BMP6: variants seen among roughly 807,000 people sequenced by gnomAD.
The protein encoded by BMP6 is VG-1-R.
BMP6 carries 17 observed loss-of-function variants against 54.1 expected under a neutral mutation model. The observed-to-expected ratio is 0.31, with a 90% confidence interval of 0.22 to 0.47. BMP6 has a LOEUF of 0.47. Ranked by LOEUF, BMP6 falls within the 20% of genes least tolerant of loss-of-function variation. The pLI is 1.00. For missense variants in BMP6, 720 were observed against 690.4 expected, an observed-to-expected ratio of 1.04 and a Z score of -0.48; for synonymous variants, 328 against 291.2, an observed-to-expected ratio of 1.13 and a Z score of -1.28.
intron 1 of BMP6, among the ~76,000 whole-genome samples, chr6:7,795,517 T>C (rs932740144): frequency 6.6e-6 from 1 of 152,194 alleles, no homozygotes; most frequent in Non-Finnish European, 1.5e-5. Context: ...TACAAAGGGC[T>C]AGTTTGTCAT....
chr6:7,756,884 A>C (rs771683362), intron 1 of BMP6, among the ~76,000 whole-genome samples: 4 of 152,162 alleles, frequency 2.6e-5, no homozygotes, highest in Non-Finnish European at 5.9e-5. Context: ...CCTTGTGTAA[A>C]CTGGTAATTT....
At chr6:7,746,680 G>T (rs1757351503) in intron 1 of BMP6, among the ~76,000 whole-genome samples, 1 of 152,052 alleles carries the variant, frequency 6.6e-6, no homozygotes, top group Non-Finnish European at 1.5e-5. Context: ...GACTTAACCC[G>T]ATCCTCCTGG....
intron 1 of BMP6, among the ~76,000 whole-genome samples, chr6:7,834,414 T>A (rs1758841257): frequency 6.6e-6 from 1 of 151,280 alleles, no homozygotes; most frequent in Non-Finnish European, 1.5e-5. Context: ...TGCAAGACAA[T>A]AATATAGAAA....
At chr6:7,745,315 C>G (rs560149262) in intron 1 of BMP6, among the ~76,000 whole-genome samples, 8 of 152,316 alleles carry the variant, frequency 5.3e-5, no homozygotes, top group African/African-American at 1.9e-4. Context: ...ACTCTGTCAC[C>G]CAGGCTGGAG....
chr6:7,759,700 T>TTTTG (rs1757581810), intron 1 of BMP6, among the ~76,000 whole-genome samples: 1 of 124,452 alleles, frequency 8.0e-6, no homozygotes, highest in African/African-American at 3.3e-5. Context: ...CTTCTTCTTT[T>TTTTG]TTTTTTTTTT....
intron 1 of BMP6, among the ~76,000 whole-genome samples, chr6:7,769,053 T>C (rs1757742564): frequency 6.6e-6 from 1 of 152,166 alleles, no homozygotes; most frequent in South Asian, 2.1e-4. Flanking sequence ...TATACGCTTC[T>C]CCCCAAAACT....
chr6:7,790,128 T>G (rs1758073625), intron 1 of BMP6, among the ~76,000 whole-genome samples: 1 of 152,132 alleles, frequency 6.6e-6, no homozygotes, highest in Admixed American at 6.5e-5. Context: ...GAGCAATACA[T>G]GCCCCCTGCT....
At chr6:7,787,152 A>G (rs1003175874) in intron 1 of BMP6, among the ~76,000 whole-genome samples, 2 of 152,178 alleles carry the variant, frequency 1.3e-5, no homozygotes, top group Non-Finnish European at 2.9e-5. Flanking sequence ...AACAGAAGTA[A>G]AGAGTTTGGG....
intron 2 of BMP6, among the ~76,000 whole-genome samples, chr6:7,851,241 A>G (rs1240817491): frequency 1.3e-5 from 2 of 152,256 alleles, no homozygotes; most frequent in Non-Finnish European, 2.9e-5. Context: ...TGAGGATTTC[A>G]GTTCAAGAAA....
chr6:7,808,974 C>T (rs1018210001), intron 1 of BMP6, among the ~76,000 whole-genome samples: 21 of 150,878 alleles, frequency 1.4e-4, no homozygotes, highest in African/African-American at 3.4e-4. Context: ...CAGAGGCATC[C>T]GCTTCCCGTG....
At chr6:7,813,108 A>AAATAT (rs1554122651) in intron 1 of BMP6, among the ~76,000 whole-genome samples, 8 of 21,500 alleles carry the variant, frequency 3.7e-4, no homozygotes, top group Admixed American at 1.1e-3. Flanking sequence ...AAAAAAAAAA[A>AAATAT]ATATATATAT....
At chr6:7,751,556 G>T (rs889511222) in intron 1 of BMP6, among the ~76,000 whole-genome samples, 1 of 152,008 alleles carries the variant, frequency 6.6e-6, no homozygotes, top group Non-Finnish European at 1.5e-5. Flanking sequence ...TTTCTGCCTC[G>T]GCATTCTCTA....
At chr6:7,825,568 A>G (rs936787657) in intron 1 of BMP6, among the ~76,000 whole-genome samples, 3 of 152,068 alleles carry the variant, frequency 2.0e-5, no homozygotes, top group Non-Finnish European at 4.4e-5. Context: ...TAAAAATACA[A>G]AATTAGCCAG....
chr6:7,777,473 C>T (rs1359405769), intron 1 of BMP6, among the ~76,000 whole-genome samples: 1 of 152,144 alleles, frequency 6.6e-6, no homozygotes, highest in African/African-American at 2.4e-5. Context: ...GGAATGCCCC[C>T]CTCTGGCTCC....
intron 1 of BMP6, among the ~76,000 whole-genome samples, chr6:7,837,448 A>C (rs1369907602): frequency 6.6e-6 from 1 of 152,238 alleles, no homozygotes; most frequent in Non-Finnish European, 1.5e-5. Flanking sequence ...GCAGAGATGA[A>C]ATAATGAGAG....
chr6:7,813,275 A>G (rs1367053843), intron 1 of BMP6, among the ~76,000 whole-genome samples: 1 of 144,446 alleles, frequency 6.9e-6, no homozygotes, highest in Non-Finnish European at 1.5e-5. Flanking sequence ...TTTTTATAAA[A>G]CACCTCCAAT....
At chr6:7,763,201 C>T (rs545610520) in intron 1 of BMP6, among the ~76,000 whole-genome samples, 2 of 152,304 alleles carry the variant, frequency 1.3e-5, no homozygotes, top group African/African-American at 4.8e-5. Flanking sequence ...TTTTCAGCCT[C>T]CACTGTCTGC....
rs1181433660 is a variant in BMP6 at position 7,803,131 on chromosome 6, G to A, written c.665-42009G>A. Among the ~76,000 whole-genome samples, 3 of 152,176 alleles carry A rather than the reference G, an allele frequency of 2.0e-5. No homozygotes were observed. The East Asian group carries it at 5.8e-4, about 29-fold the overall frequency. ...TAGACTCGGGATGGGGTTGGCCAGG[G>A]CAGGTCCCTTCCTCCCAGGGAAGAG... On this transcript the variant is annotated intron_variant, in intron 1 of 6. Transcript: ENST00000283147.
At chr6:7,813,969 G>A (rs1412341041) in intron 1 of BMP6, among the ~76,000 whole-genome samples, 2 of 152,156 alleles carry the variant, frequency 1.3e-5, no homozygotes, top group African/African-American at 2.4e-5. Flanking sequence ...CAGGTTGTTG[G>A]AAGAATTCAG....
Sources: allele counts gnomAD v4.1 joint callset (sites outside exome capture counted in the v4.1 genomes callset), GRCh38; gene constraint gnomAD v4.1.1; transcripts MANE v1.5; gene names NCBI Gene and HGNC (gene_info 2026-07-23, HGNC 2026-07-21).